Variants in COL22A1 observed in about 807,000 individuals in gnomAD.
The protein encoded by COL22A1 is collagen alpha-1(XXII) chain.
A neutral mutation model predicts 248.9 loss-of-function variants in COL22A1; 221 were observed. The ratio of observed to expected loss-of-function variants is 0.89; its 90% CI spans 0.80 to 0.99. COL22A1 has a LOEUF of 0.99. Ranked by LOEUF, COL22A1 falls within the 50% of genes least tolerant of loss-of-function variation. COL22A1 has a pLI of 0.00. For synonymous variants in COL22A1, 891 were observed against 793.4 expected (o/e 1.12, Z -2.07); for missense variants, 2,240 against 2,179.0 (o/e 1.03, Z -0.56).
intron 30 of COL22A1, among the ~76,000 whole-genome samples, chr8:138,713,956 A>G (rs1268098812): frequency 6.6e-6 from 1 of 152,126 alleles, no homozygotes; most frequent in Non-Finnish European, 1.5e-5. Context: ...AGTCCTTAGG[A>G]GGTGAAAATA....
chr8:138,747,613 T>C (rs1832229700), intron 22 of COL22A1, among the ~76,000 whole-genome samples: 1 of 152,162 alleles, frequency 6.6e-6, no homozygotes, highest in African/African-American at 2.4e-5. Context: ...CAAGGAAAAT[T>C]GTCTTCATGG....
intron 17 of COL22A1, 25 bp from the exon 18 acceptor site, chr8:138,760,312 A>G (rs1194414227): frequency 6.9e-6 from 11 of 1,594,860 alleles, no homozygotes; most frequent in Non-Finnish European, 9.4e-6. Flanking sequence ...GAAAAGGCAG[A>G]TTATGATGGG....
chr8:138,741,536 G>T (rs1203239062), intron 22 of COL22A1, among the ~76,000 whole-genome samples: 1 of 152,320 alleles, frequency 6.6e-6, no homozygotes, highest in Non-Finnish European at 1.5e-5. Flanking sequence ...GAGAAGAAAT[G>T]ATTTAATATT....
intron 30 of COL22A1, among the ~76,000 whole-genome samples, chr8:138,710,663 T>C (rs1224310897): frequency 2.0e-5 from 3 of 151,710 alleles, no homozygotes; most frequent in African/African-American, 7.3e-5. Flanking sequence ...AAAATGTCAA[T>C]GAACCTGCCC....
chr8:138,791,977 C>T (rs185005327), intron 12 of COL22A1, among the ~76,000 whole-genome samples: 32 of 152,104 alleles, frequency 2.1e-4, no homozygotes, highest in East Asian at 3.9e-4. Context: ...TTATTTATTG[C>T]CATATGGATT....
At chr8:138,774,415 CTTTTTTT>C (rs142280789) in intron 16 of COL22A1, among the ~76,000 whole-genome samples, 2 of 128,088 alleles carry the variant, frequency 1.6e-5, no homozygotes, top group African/African-American at 5.8e-5. Context: ...CAAAAGCATT[CTTTTTTT>C]TTTTTTTTTT....
intron 63 of COL22A1, among the ~76,000 whole-genome samples, chr8:138,593,681 A>G (rs1025539114): frequency 6.6e-6 from 1 of 152,098 alleles, no homozygotes; most frequent in Non-Finnish European, 1.5e-5. Flanking sequence ...CTCCATTGAG[A>G]TTAAATGTCT....
chr8:138,596,321 G>A (rs753628150), intron 62 of COL22A1, among the ~76,000 whole-genome samples: 2 of 152,082 alleles, frequency 1.3e-5, no homozygotes, highest in African/African-American at 4.8e-5. Flanking sequence ...CCCTGCTCAG[G>A]GCCTTCATAC....
intron 60 of COL22A1, among the ~76,000 whole-genome samples, chr8:138,600,628 C>A (rs886248531): frequency 6.6e-6 from 1 of 152,180 alleles, no homozygotes; most frequent in Non-Finnish European, 1.5e-5. Context: ...ATGGAAGGGG[C>A]ACAAAGTTTT....
chr8:138,854,933 G>A lies in COL22A1; in HGVS notation c.659-10775C>T, dbSNP rs149931057. Among the ~76,000 whole-genome samples the A allele has an allele frequency of 5.2e-3, 783 of 152,006 alleles. 11 individuals carry two copies. Among genetic ancestry groups the A allele is most frequent in the African/African-American group, 0.018 (728 of 41,452 alleles). ...GATGGTGATGCTGATGGTGATGGCA[G>A]TGGTGATGATGGTGATGATGGAGGA... On this transcript the variant is annotated intron_variant, in intron 3 of 64. Coordinates refer to ENST00000303045, the MANE Select transcript of COL22A1 (RefSeq NM_152888.3).
chr8:138,795,909 T>C (rs1419888672), intron 12 of COL22A1, among the ~76,000 whole-genome samples: 1 of 152,122 alleles, frequency 6.6e-6, no homozygotes, highest in Non-Finnish European at 1.5e-5. Context: ...TAACCAGCCC[T>C]ATGCAAGGGA....
At chr8:138,767,238 G>C (rs1833978673) in intron 16 of COL22A1, among the ~76,000 whole-genome samples, 1 of 152,198 alleles carries the variant, frequency 6.6e-6, no homozygotes, top group African/African-American at 2.4e-5. Flanking sequence ...GCCAAACGAA[G>C]GATGACTGTG....
chr8:138,663,851 T>A, intron 41 of COL22A1, 111 bp from the exon 42 acceptor site: 1 of 798,334 alleles, frequency 1.3e-6, no homozygotes, highest in Non-Finnish European at 2.2e-6. Flanking sequence ...GAGGAGTCAC[T>A]AACTTCCTCC....
chr8:138,738,890 A>C (rs1384924272), intron 22 of COL22A1, among the ~76,000 whole-genome samples: 2 of 152,124 alleles, frequency 1.3e-5, no homozygotes, highest in Non-Finnish European at 2.9e-5. Flanking sequence ...ACTGTCCCGG[A>C]ATCTCCAACT....
intron 30 of COL22A1, among the ~76,000 whole-genome samples, chr8:138,714,873 A>G (rs939300990): frequency 6.6e-5 from 10 of 152,152 alleles, no homozygotes; most frequent in Non-Finnish European, 1.5e-4. Context: ...TGAACGATGC[A>G]GGGGAAAGGA....
At chr8:138,817,958 A>C (rs752302679) in intron 7 of COL22A1, among the ~76,000 whole-genome samples, 2 of 152,158 alleles carry the variant, frequency 1.3e-5, no homozygotes, top group African/African-American at 2.4e-5. Flanking sequence ...AGGCATTTTT[A>C]GGGATGTGGG....
At chr8:138,822,083 T>G (rs998535516) in intron 6 of COL22A1, among the ~76,000 whole-genome samples, 2 of 152,142 alleles carry the variant, frequency 1.3e-5, no homozygotes, top group African/African-American at 4.8e-5. Flanking sequence ...CTCACTCTGT[T>G]GCCCAGGCTG....
chr8:138,760,414 C>G, intron 17 of COL22A1, 127 bp from the exon 18 acceptor site: 1 of 796,136 alleles, frequency 1.3e-6, no homozygotes, highest in Non-Finnish European at 1.9e-6. Flanking sequence ...GCCAAAGTCC[C>G]TTTAGACCTG....
At chr8:138,612,935 CAAAAAAAAAAAAA>C (rs56824708) in intron 56 of COL22A1, among the ~76,000 whole-genome samples, 1 of 40,902 alleles carries the variant, frequency 2.4e-5, no homozygotes, top group Non-Finnish European at 3.9e-5. Flanking sequence ...GACTCCATCT[CAAAAAAAAAAAAA>C]AAAAAAAAAA....
Sources: allele counts gnomAD v4.1 joint callset (sites outside exome capture counted in the v4.1 genomes callset), GRCh38; gene constraint gnomAD v4.1.1; transcripts MANE v1.5; gene names NCBI Gene and HGNC (gene_info 2026-07-23, HGNC 2026-07-21).